PEBP4: variants seen among roughly 807,000 people sequenced by gnomAD.
PEBP4 encodes the protein phosphatidylethanolamine binding protein 4.
A neutral mutation model predicts 23.9 loss-of-function variants in PEBP4; 22 were observed. That is an observed-to-expected ratio of 0.92 (90% CI 0.66 to 1.31). The LOEUF is 1.31. PEBP4 is among the 40% of genes most tolerant of loss of function. The pLI is 0.00. For missense variants in PEBP4, 324 were observed against 281.7 expected (o/e 1.15, Z -1.07); for synonymous variants, 112 against 99.3 (o/e 1.13, Z -0.76).
intron 4 of PEBP4, among the ~76,000 whole-genome samples, chr8:22,800,139 G>A (rs1044574257): frequency 6.6e-6 from 1 of 152,142 alleles, no homozygotes; most frequent in African/African-American, 2.4e-5. Context: ...GGTGAGAGCT[G>A]AGCAGCCCAG....
intron 4 of PEBP4, among the ~76,000 whole-genome samples, chr8:22,728,543 CCTTTCTTT>C (rs142257916): frequency 3.0e-4 from 35 of 115,432 alleles, no homozygotes; most frequent in Admixed American, 8.0e-4. Flanking sequence ...TTTCTTCCTT[CCTTTCTTT>C]CTTTCTTTCT....
chr8:22,717,214 T>C (rs561746898), intron 6 of PEBP4, among the ~76,000 whole-genome samples: 15 of 152,092 alleles, frequency 9.9e-5, no homozygotes, highest in Non-Finnish European at 1.8e-4. Context: ...AAAAAAAAAT[T>C]ATCTGTAGAG....
rs1804669063 is a variant in PEBP4, at chr8:22,728,571, C to CCTTT, written c.358-1352_358-1351insAAAG. ...TTCTTTCTTTCTTTCTTCCTTCCTT[C>CCTTT]CTTCCTTCCTTCCTTCCTTCCTTCC... On this transcript the variant is annotated intron_variant, in intron 4 of 6. Coordinates refer to ENST00000256404, the MANE Select transcript of PEBP4 (RefSeq NM_144962.3). 1.1e-4 allele frequency among the ~76,000 whole-genome samples: 14 copies of CCTTT among 130,976 alleles called. No individual in the cohort carries two copies. The South Asian group carries it at 3.8e-3, about 36-fold the overall frequency. 85.9% of individuals were successfully genotyped at this position (130,976 alleles called of 152,430 possible).
At chr8:22,922,089 A>T (rs1365070880) in intron 2 of PEBP4, among the ~76,000 whole-genome samples, 2 of 152,262 alleles carry the variant, frequency 1.3e-5, no homozygotes, top group African/African-American at 2.4e-5. Context: ...ACAGAGCCAC[A>T]GAGAGTGCCC....
At chr8:22,929,492 A>T (rs887504793), upstream of PEBP4, among the ~76,000 whole-genome samples, 2 of 152,252 alleles carry the variant, frequency 1.3e-5, no homozygotes, top group African/African-American at 4.8e-5. Context: ...GCCCACTTCC[A>T]GTGGCGGTTC....
chr8:22,739,507 A>G (rs1804943837), intron 4 of PEBP4, among the ~76,000 whole-genome samples: 1 of 152,090 alleles, frequency 6.6e-6, no homozygotes, highest in Admixed American at 6.6e-5. Context: ...GGAGGAAGTG[A>G]CCTGACCAGA....
At chr8:22,918,581 G>T (rs1809128920) in intron 3 of PEBP4, among the ~76,000 whole-genome samples, 2 of 152,182 alleles carry the variant, frequency 1.3e-5, no homozygotes, top group African/African-American at 4.8e-5. Flanking sequence ...GCCATCTAGT[G>T]GATGTCTGCA....
At position 22,750,133 on chromosome 8, in the gene PEBP4, G is replaced by A. The variant is rs1209205067; in HGVS notation, c.358-22913C>T. Among the ~76,000 whole-genome samples the A allele has an allele frequency of 4.2e-5, 6 of 142,940 alleles. No individual in the cohort carries two copies. The East Asian group carries it at 8.6e-4, about 21-fold the overall frequency. 93.8% of individuals were successfully genotyped at this position (142,940 alleles called of 152,430 possible). A position where few individuals can be genotyped will look rare whatever the true frequency, so the allele number is the denominator to read the frequency against. On this transcript the variant is annotated intron_variant, in intron 4 of 6. Transcript: ENST00000256404. The stretch of plus-strand genomic sequence containing the variant: ...TCTTTCTTTTTTGAGACTGAGTCTC[G>A]CTCCATTGCCCAGGCTGGAGTGCAG...
intron 4 of PEBP4, among the ~76,000 whole-genome samples, chr8:22,750,678 G>A (rs1805236499): frequency 1.3e-5 from 2 of 152,060 alleles, no homozygotes; most frequent in Non-Finnish European, 2.9e-5. Flanking sequence ...ATTCTGGCTG[G>A]GCAGTTAGAA....
intron 4 of PEBP4, among the ~76,000 whole-genome samples, chr8:22,777,304 G>A (rs1335729025): frequency 6.6e-6 from 1 of 152,204 alleles, no homozygotes; most frequent in Admixed American, 6.5e-5. Flanking sequence ...TGGAAGAGGA[G>A]GGTGTGGCTA....
At chr8:22,795,361 GA>G (rs1379564616) in intron 4 of PEBP4, among the ~76,000 whole-genome samples, 1 of 151,304 alleles carries the variant, frequency 6.6e-6, no homozygotes, top group African/African-American at 2.4e-5. Flanking sequence ...ATTTTTAGTA[GA>G]GACGGGGTTT....
chr8:22,869,450 G>C (rs1206558851), intron 3 of PEBP4, among the ~76,000 whole-genome samples: 2 of 152,218 alleles, frequency 1.3e-5, no homozygotes. Context: ...CACAGTGCAA[G>C]TGTTTAAAGA....
intron 3 of PEBP4, among the ~76,000 whole-genome samples, chr8:22,831,441 GAATA>G (rs1055640442): frequency 2.0e-5 from 3 of 152,074 alleles, no homozygotes; most frequent in Non-Finnish European, 2.9e-5. Flanking sequence ...AAATATTTTT[GAATA>G]AATAAATTAT....
At chr8:22,783,657 T>C (rs769966244) in intron 4 of PEBP4, among the ~76,000 whole-genome samples, 1 of 152,226 alleles carries the variant, frequency 6.6e-6, no homozygotes, top group Non-Finnish European at 1.5e-5. Flanking sequence ...TAACACATGC[T>C]GTGGTTTTTG....
rs187911339 is a variant in PEBP4 at position 22,748,508 on chromosome 8, C to A, written c.358-21288G>T. Among the ~76,000 whole-genome samples the A allele has an allele frequency of 1.6e-3, 249 of 151,728 alleles. 5 individuals are homozygous for A. Among genetic ancestry groups the A allele is most frequent in the Non-Finnish European group, 3.4e-4 (23 of 67,932 alleles). On this transcript the variant is annotated intron_variant, in intron 4 of 6. Coordinates refer to ENST00000256404, the MANE Select transcript of PEBP4 (RefSeq NM_144962.3). ...AGGACTTGTGATCCTAATTTCCCAA[C>A]CTTCAGCTGCTCAGGGTCAAGTCCT...
chr8:22,934,297 G>T (rs569248773), intron 1 of PEBP4, among the ~76,000 whole-genome samples: 1 of 152,228 alleles, frequency 6.6e-6, no homozygotes, highest in East Asian at 1.9e-4. Flanking sequence ...TCTAACATCG[G>T]TAACACAAAA....
At chr8:22,832,672 G>A (rs1467426771) in intron 3 of PEBP4, among the ~76,000 whole-genome samples, 1 of 152,186 alleles carries the variant, frequency 6.6e-6, no homozygotes, top group Non-Finnish European at 1.5e-5. Flanking sequence ...AGGATGGAAT[G>A]TGATCAGATT....
At chr8:22,801,202 C>T (rs1355013635) in intron 4 of PEBP4, among the ~76,000 whole-genome samples, 1 of 152,160 alleles carries the variant, frequency 6.6e-6, no homozygotes, top group Non-Finnish European at 1.5e-5. Context: ...AGAGTGAGCC[C>T]CTAGTCACAG....
rs117702876 is a variant in PEBP4, at chr8:22,717,180, G to T, written c.518-3644C>A. Reference sequence around the variant, plus strand: ...CTCCTGAGTAGCTGGAACCACAGTTGTGTGCTACCACACCTGGGTAATTAA... The same window carrying T: ...CTCCTGAGTAGCTGGAACCACAGTTTTGTGCTACCACACCTGGGTAATTAA... On this transcript the variant is annotated intron_variant, in intron 6 of 6. Transcript: ENST00000256404. 1.1e-3 allele frequency among the ~76,000 whole-genome samples: 166 copies of T among 152,300 alleles called. 1 individual carries two copies. The East Asian group carries it at 0.021, about 19-fold the overall frequency.
Sources: allele counts gnomAD v4.1 joint callset (sites outside exome capture counted in the v4.1 genomes callset), GRCh38; gene constraint gnomAD v4.1.1; transcripts MANE v1.5; gene names NCBI Gene and HGNC (gene_info 2026-07-23, HGNC 2026-07-21).